Variants in DEPTOR observed in about 807,000 individuals in gnomAD.
The protein encoded by DEPTOR is DEP domain-containing mTOR-interacting protein.
DEPTOR carries 41 observed loss-of-function variants against 41.6 expected under a neutral mutation model. The observed-to-expected ratio is 0.98, with a 90% CI of 0.77 to 1.28. The LOEUF is 1.28. DEPTOR is among the 50% of genes most tolerant of loss of function. The pLI, the probability that DEPTOR is intolerant of heterozygous loss-of-function variation, is 0.00. For synonymous variants in DEPTOR, 195 were observed against 192.3 expected (o/e 1.01, Z -0.12); for missense variants, 514 against 527.9 (o/e 0.97, Z 0.26).
At chr8:120,001,086 G>A (rs11986190) in intron 4 of DEPTOR, among the ~76,000 whole-genome samples, 121,336 of 150,084 alleles carry the variant, frequency 0.81, 49,138 homozygotes, top group Middle Eastern at 0.84. Context: ...CAAAAAAAAA[G>A]AAAAAGGATC....
chr8:120,020,606 CG>C (rs1036951883), intron 8 of DEPTOR, among the ~76,000 whole-genome samples: 2 of 152,174 alleles, frequency 1.3e-5, no homozygotes, highest in African/African-American at 4.8e-5. Context: ...TTTGTGTTCA[CG>C]TAGGGCTTGA....
rs567745070 is a variant in DEPTOR at position 120,020,623 on chromosome 8, T to C, written c.1101+11490T>C. On this transcript the variant is annotated intron_variant, in intron 8 of 8. Transcript: ENST00000286234. Reference sequence around the variant, plus strand: ...TGTGTTCACGTAGGGCTTGAGTTTCTAGTTTGTGACTGGCAGGAGGGCTGC... The same window carrying C: ...TGTGTTCACGTAGGGCTTGAGTTTCCAGTTTGTGACTGGCAGGAGGGCTGC... Among the ~76,000 whole-genome samples, 10 of 152,318 alleles carry C rather than the reference T, an allele frequency of 6.6e-5. No individual in the cohort carries two copies. In the South Asian group the frequency reaches 1.9e-3, roughly 28 times the overall value.
intron 1 of DEPTOR, among the ~76,000 whole-genome samples, chr8:119,895,126 C>A (rs762276287): frequency 6.6e-5 from 10 of 152,194 alleles, no homozygotes; most frequent in Non-Finnish European, 8.8e-5. Flanking sequence ...CTGTCTCCCC[C>A]TCTCCTTCAG....
intron 4 of DEPTOR, among the ~76,000 whole-genome samples, chr8:119,975,724 G>A (rs1338041915): frequency 6.6e-6 from 1 of 152,070 alleles, no homozygotes; most frequent in Non-Finnish European, 1.5e-5. Flanking sequence ...GAGCAGCAAG[G>A]TGGAGGCCCA....
At chr8:120,007,035 A>G (rs112457625) in intron 7 of DEPTOR, among the ~76,000 whole-genome samples, 160 bp downstream of exon 7, 10 of 152,356 alleles carry the variant, frequency 6.6e-5, no homozygotes, top group African/African-American at 1.7e-4. Context: ...ACCTCAAGGC[A>G]CTAAGGTGCA....
chr8:119,952,987 C>A (rs541730903), intron 3 of DEPTOR, among the ~76,000 whole-genome samples: 18 of 152,240 alleles, frequency 1.2e-4, no homozygotes, highest in African/African-American at 4.3e-4. Context: ...TTATTAGTTC[C>A]AAACCAAATT....
intron 1 of DEPTOR, among the ~76,000 whole-genome samples, chr8:119,911,701 AAC>A: frequency 6.6e-6 from 1 of 152,328 alleles, no homozygotes; most frequent in East Asian, 1.9e-4. Flanking sequence ...AGTGGAACTA[AAC>A]ACACACGGGT....
intron 3 of DEPTOR, among the ~76,000 whole-genome samples, chr8:119,931,540 C>T (rs1828043388): frequency 6.6e-6 from 1 of 152,186 alleles, no homozygotes; most frequent in Non-Finnish European, 1.5e-5. Flanking sequence ...GAGCACAGTA[C>T]TGACGGCCAC....
intron 7 of DEPTOR, 82 bp from the exon 8 acceptor site, chr8:120,008,947 G>T: frequency 7.8e-7 from 1 of 1,282,556 alleles, no homozygotes; most frequent in South Asian, 1.3e-5. Flanking sequence ...ACTTAATCCT[G>T]GGCTGGTTTT....
chr8:119,900,380 CTTTTTTTTTTTTT>C (rs377443807), intron 1 of DEPTOR, among the ~76,000 whole-genome samples: 1 of 43,908 alleles, frequency 2.3e-5, no homozygotes, highest in Non-Finnish European at 3.5e-5. Flanking sequence ...CACCCCTCAC[CTTTTTTTTTTTTT>C]TTTTTTTTTT....
chr8:119,909,612 C>T (rs936187704), intron 1 of DEPTOR, among the ~76,000 whole-genome samples: 1 of 152,180 alleles, frequency 6.6e-6, no homozygotes, highest in African/African-American at 2.4e-5. Context: ...CAATTGCAAA[C>T]CATGCAGAAA....
At chr8:119,966,170 G>C (rs1258684641) in intron 4 of DEPTOR, among the ~76,000 whole-genome samples, 1 of 152,128 alleles carries the variant, frequency 6.6e-6, no homozygotes, top group African/African-American at 2.4e-5. Context: ...TAGGTCATGA[G>C]ACTCCCATTC....
At chr8:119,929,246 G>A (rs147092743) in intron 2 of DEPTOR, among the ~76,000 whole-genome samples, 1 of 152,112 alleles carries the variant, frequency 6.6e-6, no homozygotes, top group East Asian at 1.9e-4. Flanking sequence ...CGTTCTCTTG[G>A]AATACCCTTT....
chr8:119,994,049 G>A (rs763854138), intron 4 of DEPTOR, among the ~76,000 whole-genome samples: 4 of 151,840 alleles, frequency 2.6e-5, no homozygotes, highest in Non-Finnish European at 4.4e-5. Context: ...CCAGCTACTC[G>A]GGAGGCTGAC....
At chr8:119,903,556 T>C (rs1827622086) in intron 1 of DEPTOR, among the ~76,000 whole-genome samples, 1 of 152,196 alleles carries the variant, frequency 6.6e-6, no homozygotes, top group African/African-American at 2.4e-5. Context: ...GAAACAGCAA[T>C]GATCTAATCC....
At chr8:120,029,948 C>T (rs971883274) in intron 8 of DEPTOR, among the ~76,000 whole-genome samples, 2 of 152,124 alleles carry the variant, frequency 1.3e-5, no homozygotes, top group Non-Finnish European at 2.9e-5. Context: ...TTTATCATGG[C>T]CAGATGTGGC....
At chr8:119,980,999 C>T (rs1208330709) in intron 4 of DEPTOR, among the ~76,000 whole-genome samples, 1 of 152,312 alleles carries the variant, frequency 6.6e-6, no homozygotes, top group Non-Finnish European at 1.5e-5. Flanking sequence ...TTTTCTTTCT[C>T]TCTCAGTTTT....
intron 1 of DEPTOR, among the ~76,000 whole-genome samples, chr8:119,890,009 G>A (rs1431064017): frequency 6.6e-6 from 1 of 152,194 alleles, no homozygotes; most frequent in East Asian, 1.9e-4. Context: ...CTGTTGCCCA[G>A]GCTGGAGGGC....
intron 3 of DEPTOR, among the ~76,000 whole-genome samples, chr8:119,959,303 C>T (rs1292066770): frequency 2.0e-5 from 3 of 151,162 alleles, no homozygotes; most frequent in Admixed American, 1.3e-4. Context: ...GATGGGACTA[C>T]AGGCGCCCAC....
Sources: allele counts gnomAD v4.1 joint callset (sites outside exome capture counted in the v4.1 genomes callset), GRCh38; gene constraint gnomAD v4.1.1; transcripts MANE v1.5; gene names NCBI Gene and HGNC (gene_info 2026-07-23, HGNC 2026-07-21).